Variants in ACACA observed in about 807,000 individuals in gnomAD.
ACACA encodes acetyl-CoA carboxylase 1.
Under a neutral mutation model 296.1 loss-of-function variants are expected in ACACA, and 103 were observed. That is an observed-to-expected ratio of 0.35 (90% CI 0.30 to 0.41). The LOEUF (loss-of-function observed/expected upper bound fraction) is 0.41, where lower values mean the gene tolerates loss of function less well. ACACA is among the 10% of genes least tolerant of loss of function. The pLI is 1.00. For synonymous variants in ACACA, 953 were observed against 1,038.6 expected, an observed-to-expected ratio of 0.92 and a Z score of 1.58; for missense variants, 1,554 against 2,989.7, an observed-to-expected ratio of 0.52 and a Z score of 11.20.
intron 5 of ACACA, 35 bp from the exon 6 acceptor site, chr17:37,278,040 A>AT (rs756709615): frequency 5.1e-4 from 766 of 1,514,770 alleles, no homozygotes; most frequent in Non-Finnish European, 6.1e-4. Flanking sequence ...AGAACACATG[A>AT]TTTTTTTTTC....
At chr17:37,359,982 C>G (rs960369885) in intron 1 of ACACA, among the ~76,000 whole-genome samples, 3 of 152,066 alleles carry the variant, frequency 2.0e-5, no homozygotes, top group African/African-American at 7.2e-5. Flanking sequence ...CCACAGCGTT[C>G]CAGACTTTTC....
chr17:37,217,605 G>A (rs2079068497), intron 29 of ACACA, among the ~76,000 whole-genome samples: 1 of 150,674 alleles, frequency 6.6e-6, no homozygotes, highest in Non-Finnish European at 1.5e-5. Flanking sequence ...CATCATGGCA[G>A]GCACCTGTAG....
chr17:37,341,923 T>C (rs2048387027), intron 1 of ACACA, among the ~76,000 whole-genome samples: 1 of 152,064 alleles, frequency 6.6e-6, no homozygotes, highest in Non-Finnish European at 1.5e-5. Context: ...ACTCCTGCCC[T>C]GAATTAGGTT....
Position 37,277,989 on chromosome 17 carries a change from T to A in ACACA, c.627A>T (p.Ala209=). The part of the protein sequence containing the change: ...LKANAEYIKM[A]DHYVPVPGGP... ...CTCCAGGCACTGGCACATAGTGATC[T>A]GCCATCTTAATGTATTCTGAAAATG... Residue 209 remains alanine (A), a synonymous_variant, in exon 6 of 56, where the codon GCA becomes GCT. Coordinates refer to ENST00000616317, the MANE Select transcript of ACACA (RefSeq NM_198834.3). 2 of 1,613,470 alleles carry A rather than the reference T, an allele frequency of 1.2e-6. No individual in the cohort carries two copies. The highest frequency in any genetic ancestry group is 1.7e-6 in the Non-Finnish European group (2 of 1,179,374).
intron 27 of ACACA, among the ~76,000 whole-genome samples, chr17:37,224,742 T>A (rs2079460195): frequency 6.6e-6 from 1 of 151,910 alleles, no homozygotes; most frequent in Admixed American, 6.6e-5. Context: ...AGATAAAGAC[T>A]TCAATAGGAC....
chr17:37,158,989 G>A (rs59499418), intron 42 of ACACA, among the ~76,000 whole-genome samples: 1,739 of 152,078 alleles, frequency 0.011, 42 homozygotes, highest in African/African-American at 0.038. Context: ...AGAAGTCTGG[G>A]CAACACAGCA....
chr17:37,338,074 G>A (rs2147299121), intron 2 of ACACA, among the ~76,000 whole-genome samples: 1 of 151,170 alleles, frequency 6.6e-6, no homozygotes, highest in East Asian at 2.0e-4. Flanking sequence ...TCCAGCCTGG[G>A]CAACAGAGTG....
chr17:37,375,883 A>G, intron 1 of ACACA: 1 of 482,234 alleles, frequency 2.1e-6, no homozygotes, highest in Non-Finnish European at 3.7e-6. Context: ...GTCTGAGTGA[A>G]TTATTAATAA....
chr17:37,151,497 A>G (rs2076036727), intron 43 of ACACA, 76 bp from the exon 44 acceptor site: 2 of 1,572,658 alleles, frequency 1.3e-6, no homozygotes, highest in Middle Eastern at 1.7e-4. Flanking sequence ...AATCACCAAT[A>G]AAAGGCGGCT....
chr17:37,379,526 T>C, intron 1 of ACACA: 2 of 1,216,168 alleles, frequency 1.6e-6, no homozygotes, highest in Non-Finnish European at 2.2e-6. Context: ...TCTTGTAAAT[T>C]TGTTTGAGTT....
rs1485561896 is a variant in ACACA at position 37,390,318 on chromosome 17, A to ATTT, written c.38+15943_38+15944insAAA. The stretch of plus-strand genomic sequence containing the variant: ...ATTATACATAATTATATATATATAT[A>ATTT]TATATATATATATATAAAAGGCCAG... On this transcript the variant is annotated intron_variant, in intron 1 of 55. Transcript: ENST00000616317. Among the ~76,000 whole-genome samples the ATTT allele has an allele frequency of 2.0e-3, 104 of 52,228 alleles. 5 individuals are homozygous for ATTT. The highest frequency in any genetic ancestry group is 0.01 in the African/African-American group (89 of 8,744). The allele number at this position is 52,228 out of a possible 152,430, so 34.3% of individuals were successfully genotyped here. A position where few individuals can be genotyped will look rare whatever the true frequency, so the allele number is the denominator to read the frequency against.
intron 1 of ACACA, among the ~76,000 whole-genome samples, chr17:37,377,663 A>AATC (rs2050062909): frequency 3.0e-5 from 1 of 32,904 alleles, no homozygotes; most frequent in African/African-American, 1.6e-4. Flanking sequence ...CCGTCTCAAT[A>AATC]AATAAATAAA....
intron 1 of ACACA, among the ~76,000 whole-genome samples, chr17:37,358,698 A>G (rs576243419): frequency 1.3e-5 from 2 of 152,332 alleles, no homozygotes; most frequent in Admixed American, 6.5e-5. Flanking sequence ...GGCGAGCTCC[A>G]GGCAGAAACT....
At chr17:37,120,890 A>T (rs1465551544) in intron 50 of ACACA, among the ~76,000 whole-genome samples, 1 of 152,200 alleles carries the variant, frequency 6.6e-6, no homozygotes, top group African/African-American at 2.4e-5. Context: ...GTTGTTAGAT[A>T]ATAATATAAC....
chr17:37,156,601 T>A (rs955396480), intron 42 of ACACA, among the ~76,000 whole-genome samples: 1 of 152,240 alleles, frequency 6.6e-6, no homozygotes, highest in Non-Finnish European at 1.5e-5. Context: ...TCAGATCTTT[T>A]GTTTTTTCAA....
chr17:37,320,924 G>A (rs924311154), intron 3 of ACACA, among the ~76,000 whole-genome samples: 1 of 150,912 alleles, frequency 6.6e-6, no homozygotes, highest in Non-Finnish European at 1.5e-5. Context: ...TCCAGCCTGG[G>A]CAACAGAGTG....
chr17:37,089,596 T>C (rs2072471047), intron 54 of ACACA, among the ~76,000 whole-genome samples: 1 of 152,176 alleles, frequency 6.6e-6, no homozygotes, highest in East Asian at 1.9e-4. Context: ...TGTCTTTTGA[T>C]GAGGCACGGA....
chr17:37,271,762 G>A (rs1174930815), intron 9 of ACACA, among the ~76,000 whole-genome samples: 1 of 151,980 alleles, frequency 6.6e-6, no homozygotes. Flanking sequence ...CTGAGGTCAG[G>A]AGTTCGAGAC....
intron 16 of ACACA, among the ~76,000 whole-genome samples, chr17:37,251,754 A>C (rs1347747060): frequency 6.6e-6 from 1 of 152,208 alleles, no homozygotes; most frequent in Non-Finnish European, 1.5e-5. Flanking sequence ...CTGCAGATGG[A>C]TTCCAGTTTT....
Sources: gnomAD v4.1 joint callset for allele counts (sites outside exome capture counted in the v4.1 genomes callset) on GRCh38, gnomAD v4.1.1 for gene constraint, MANE v1.5 for transcripts, NCBI Gene and HGNC (gene_info 2026-07-23, HGNC 2026-07-21) for gene names.